The following TMEM132C variants were observed in gnomAD, a reference collection of about 807,000 sequenced individuals.
TMEM132C encodes transmembrane protein 132C.
TMEM132C carries 29 observed loss-of-function variants against 61.4 expected under a neutral mutation model. The observed-to-expected ratio is 0.47, with a 90% confidence interval of 0.35 to 0.64. The LOEUF is 0.64. Ranked by LOEUF, TMEM132C falls within the 30% of genes least tolerant of loss-of-function variation. The pLI, the probability that TMEM132C is intolerant of heterozygous loss-of-function variation, is 0.00. For synonymous variants in TMEM132C, 656 were observed against 633.1 expected, an observed-to-expected ratio of 1.04 and a Z score of -0.54; for missense variants, 1,408 against 1,476.9, an observed-to-expected ratio of 0.95 and a Z score of 0.76.
At chr12:128,605,018 G>A (rs563376164) in intron 3 of TMEM132C, among the ~76,000 whole-genome samples, 23 of 143,822 alleles carry the variant, frequency 1.6e-4, no homozygotes, top group African/African-American at 6.1e-4. Flanking sequence ...ATAGATAATA[G>A]ATGAATGGAT....
At chr12:128,652,586 C>T (rs1954282955) in intron 4 of TMEM132C, among the ~76,000 whole-genome samples, 1 of 152,254 alleles carries the variant, frequency 6.6e-6, no homozygotes, top group South Asian at 2.1e-4. Context: ...AGGACAATGC[C>T]TCCACGTGCC....
intron 2 of TMEM132C, among the ~76,000 whole-genome samples, chr12:128,457,305 TAAAA>T (rs578230110): frequency 8.3e-6 from 1 of 120,888 alleles, no homozygotes. Flanking sequence ...TCTCCATCTG[TAAAA>T]AAAAAAAAAA....
intron 5 of TMEM132C, among the ~76,000 whole-genome samples, chr12:128,688,966 G>GT (rs1167620725): frequency 6.0e-5 from 9 of 149,788 alleles, no homozygotes; most frequent in Non-Finnish European, 8.9e-5. Context: ...GCTAGTTGTT[G>GT]TTTTTTTTGT....
chr12:128,480,171 G>C (rs1460071776), intron 2 of TMEM132C, among the ~76,000 whole-genome samples: 2 of 152,156 alleles, frequency 1.3e-5, no homozygotes, highest in African/African-American at 4.8e-5. Context: ...GAGGTGCAAA[G>C]ATTGTTTGAG....
rs552480177 is a variant in TMEM132C, at chr12:128,289,645, T to C, written c.85+22158T>C. ...ATCTTCAAAGACAGAAAATTGCTGG[T>C]AACTTTTAAATCAGCATTTTCTAAT... On this transcript the variant is annotated intron_variant, in intron 1 of 8. Coordinates refer to ENST00000435159, the MANE Select transcript of TMEM132C (RefSeq NM_001136103.3). 3.3e-5 allele frequency among the ~76,000 whole-genome samples: 5 copies of C among 152,364 alleles called. No homozygotes were observed. The East Asian group carries it at 9.6e-4, about 29-fold the overall frequency.
At chr12:128,413,298 C>CAAA (rs56026776) in intron 1 of TMEM132C, among the ~76,000 whole-genome samples, 20,461 of 60,526 alleles carry the variant, frequency 0.34, 5,503 homozygotes, top group Non-Finnish European at 0.42. Flanking sequence ...GACTCTGTCT[C>CAAA]AAAAAAAAAA....
rs114493467 is a variant in TMEM132C at position 128,581,204 on chromosome 12, C to T, written c.1122-34948C>T. On this transcript the variant is annotated intron_variant, in intron 3 of 8. Transcript: ENST00000435159. ...TAATGCGGATATGTGTGGGCTCAGA[C>T]GGAGTGCTCAGACCATATCAAAACG... Among the ~76,000 whole-genome samples the T allele has an allele frequency of 5.3e-3, 807 of 151,892 alleles. 8 individuals are homozygous for T. The highest frequency in any genetic ancestry group is 0.019 in the African/African-American group (768 of 41,450).
At chr12:128,577,464 A>G (rs1875155103) in intron 3 of TMEM132C, among the ~76,000 whole-genome samples, 1 of 152,154 alleles carries the variant, frequency 6.6e-6, no homozygotes, top group Non-Finnish European at 1.5e-5. Flanking sequence ...AACCTTCCCC[A>G]AGCCCCGGTG....
At chr12:128,432,600 A>G (rs1758643256) in intron 2 of TMEM132C, among the ~76,000 whole-genome samples, 1 of 152,212 alleles carries the variant, frequency 6.6e-6, no homozygotes, top group African/African-American at 2.4e-5. Context: ...ATGTGACTGA[A>G]TTGCTGCAAT....
intron 1 of TMEM132C, among the ~76,000 whole-genome samples, chr12:128,381,399 AGTT>A (rs1371704612): frequency 1.3e-5 from 2 of 152,210 alleles, no homozygotes; most frequent in Non-Finnish European, 2.9e-5. Flanking sequence ...GGGAAACTAA[AGTT>A]GTCCATGCCG....
chr12:128,363,806 C>G (rs1462275168), intron 1 of TMEM132C, among the ~76,000 whole-genome samples: 6 of 146,396 alleles, frequency 4.1e-5, no homozygotes, highest in Admixed American at 7.0e-5. Flanking sequence ...GATCACATCA[C>G]TACACTGCAG....
At chr12:128,554,534 T>A (rs1874272290) in intron 3 of TMEM132C, among the ~76,000 whole-genome samples, 1 of 152,256 alleles carries the variant, frequency 6.6e-6, no homozygotes, top group African/African-American at 2.4e-5. Context: ...AAATTGTTCA[T>A]CAGGAAGTAA....
intron 1 of TMEM132C, among the ~76,000 whole-genome samples, chr12:128,331,521 G>GGCCTC (rs1872665345): frequency 6.6e-6 from 1 of 152,100 alleles, no homozygotes; most frequent in Non-Finnish European, 1.5e-5. Flanking sequence ...TGTGATATTT[G>GGCCTC]ACTGTCTGTG....
chr12:128,600,272 G>A (rs930699735), intron 3 of TMEM132C, among the ~76,000 whole-genome samples: 75 of 152,216 alleles, frequency 4.9e-4, no homozygotes, highest in African/African-American at 1.4e-3. Flanking sequence ...GTGAGCCACC[G>A]CACCGGGCCA....
chr12:128,659,670 G>A (rs1358019713), intron 4 of TMEM132C, among the ~76,000 whole-genome samples: 1 of 152,210 alleles, frequency 6.6e-6, no homozygotes, highest in Non-Finnish European at 1.5e-5. Flanking sequence ...GGCTACAGAT[G>A]GAAGGAAGGA....
At chr12:128,666,351 ATTT>A (rs1284713182) in intron 4 of TMEM132C, among the ~76,000 whole-genome samples, 1 of 152,032 alleles carries the variant, frequency 6.6e-6, no homozygotes, top group Non-Finnish European at 1.5e-5. Context: ...GCACACACAC[ATTT>A]TTTTCTCTCT....
intron 1 of TMEM132C, among the ~76,000 whole-genome samples, chr12:128,406,081 C>G (rs1372305538): frequency 6.6e-6 from 1 of 152,214 alleles, no homozygotes; most frequent in East Asian, 1.9e-4. Flanking sequence ...CTTAACACCT[C>G]TGATGCACTG....
intron 5 of TMEM132C, among the ~76,000 whole-genome samples, chr12:128,693,155 A>T (rs564053624): frequency 2.0e-4 from 31 of 152,288 alleles, no homozygotes; most frequent in African/African-American, 7.2e-4. Context: ...GACCGTGAAG[A>T]ACCTGCATCA....
At chr12:128,392,944 A>C (rs185710820) in intron 1 of TMEM132C, among the ~76,000 whole-genome samples, 2 of 152,384 alleles carry the variant, frequency 1.3e-5, no homozygotes, top group Admixed American at 6.5e-5. Context: ...TAAAAGCTGC[A>C]TGATGGTCTC....
Sources: gnomAD v4.1 joint callset for allele counts (sites outside exome capture counted in the v4.1 genomes callset) on GRCh38, gnomAD v4.1.1 for gene constraint, MANE v1.5 for transcripts, NCBI Gene and HGNC (gene_info 2026-07-23, HGNC 2026-07-21) for gene names.